DCDC2: variants seen among roughly 807,000 people sequenced by gnomAD.
The protein encoded by DCDC2 is doublecortin domain-containing protein 2.
A neutral mutation model predicts 50.2 loss-of-function variants in DCDC2; 40 were observed. The ratio of observed to expected loss-of-function variants is 0.80; its 90% CI spans 0.62 to 1.04. The LOEUF is 1.04. Among genes scored for constraint, DCDC2 ranks in the 50% least tolerant of loss-of-function variants. The pLI, the probability that DCDC2 is intolerant of heterozygous loss-of-function variation, is 0.00. For missense variants in DCDC2, 570 were observed against 581.9 expected, an observed-to-expected ratio of 0.98 and a Z score of 0.21; for synonymous variants, 234 against 210.6, an observed-to-expected ratio of 1.11 and a Z score of -0.96.
intron 2 of DCDC2, among the ~76,000 whole-genome samples, chr6:24,351,511 T>C (rs1371985013): frequency 6.6e-6 from 1 of 152,078 alleles, no homozygotes; most frequent in Non-Finnish European, 1.5e-5. Context: ...CCATCTCCTT[T>C]AGAAGGGTTT....
At chr6:24,280,079 A>C (rs1763438795) in intron 6 of DCDC2, among the ~76,000 whole-genome samples, 2 of 152,246 alleles carry the variant, frequency 1.3e-5, no homozygotes. Context: ...ATCTGCCTAG[A>C]AAACTATTAT....
At chr6:24,251,261 T>C (rs1183104325) in intron 7 of DCDC2, among the ~76,000 whole-genome samples, 2 of 152,188 alleles carry the variant, frequency 1.3e-5, no homozygotes, top group Non-Finnish European at 2.9e-5. Flanking sequence ...GGAGGATACA[T>C]GAAGAATAGC....
At chr6:24,340,554 T>C (rs935824411) in intron 2 of DCDC2, among the ~76,000 whole-genome samples, 1 of 152,144 alleles carries the variant, frequency 6.6e-6, no homozygotes, top group Non-Finnish European at 1.5e-5. Flanking sequence ...TAATCCAGCT[T>C]TTAAAAACTA....
chr6:24,308,980 A>G, intron 2 of DCDC2, among the ~76,000 whole-genome samples: 1 of 152,200 alleles, frequency 6.6e-6, no homozygotes, highest in South Asian at 2.1e-4. Flanking sequence ...AATACAAGAT[A>G]CAAACCTGGA....
chr6:24,206,417 G>A (rs906973069), intron 7 of DCDC2, among the ~76,000 whole-genome samples: 35 of 152,116 alleles, frequency 2.3e-4, no homozygotes, highest in African/African-American at 6.8e-4. Flanking sequence ...AAAGAGTGAA[G>A]AAAAATAGGT....
At chr6:24,193,767 C>T (rs1238071188) in intron 8 of DCDC2, among the ~76,000 whole-genome samples, 2 of 151,714 alleles carry the variant, frequency 1.3e-5, no homozygotes, top group African/African-American at 4.8e-5. Context: ...TGTATGTGGC[C>T]CTATTTTTGA....
chr6:24,268,100 T>C (rs190459850), intron 7 of DCDC2, among the ~76,000 whole-genome samples: 1 of 152,340 alleles, frequency 6.6e-6, no homozygotes, highest in Admixed American at 6.5e-5. Flanking sequence ...TGAGAAATCC[T>C]GTAGCAGAGA....
intron 8 of DCDC2, among the ~76,000 whole-genome samples, chr6:24,186,770 C>A (rs1259320644): frequency 1.2e-4 from 18 of 152,188 alleles, no homozygotes; most frequent in Admixed American, 1.2e-3. Flanking sequence ...TAGAGACAAA[C>A]CCCATCTTCT....
At position 24,318,720 on chromosome 6, in the gene DCDC2, G is replaced by A. The variant is rs564893184; in HGVS notation, c.349-16676C>T. Among the ~76,000 whole-genome samples the A allele has an allele frequency of 8.6e-5, 13 of 151,696 alleles. No individual in the cohort carries two copies. In the East Asian group the frequency reaches 1.4e-3, roughly 16 times the overall value. ...TGGCTTCCAGTTCCATCCATGTTGC[G>A]GCAAAAGACATAATTTCATTCTTTT... On this transcript the variant is annotated intron_variant, in intron 2 of 9. Transcript: ENST00000378454.
rs1760837077 is a variant in DCDC2 at position 24,173,739 on chromosome 6, G to A, written c.*991C>T. On this transcript the variant is annotated 3_prime_UTR_variant, in exon 10 of 10. Coordinates refer to ENST00000378454, the MANE Select transcript of DCDC2 (RefSeq NM_016356.5). ...AAATAAATATTTGCTGATATCCCTAGGGCAAAAACATAGTAAAACAGTCTT... is the reference window on the plus strand; with the variant it reads ...AAATAAATATTTGCTGATATCCCTAAGGCAAAAACATAGTAAAACAGTCTT... 6.6e-6 allele frequency: 1 copy of A among 151,928 alleles called. No homozygotes were observed. Among genetic ancestry groups the A allele is most frequent in the Non-Finnish European group, 1.5e-5 (1 of 67,988 alleles). 9.4% of individuals were successfully genotyped at this position (151,928 alleles called of 1,614,324 possible).
chr6:24,296,635 A>G (rs1458299244), intron 4 of DCDC2, among the ~76,000 whole-genome samples: 1 of 152,196 alleles, frequency 6.6e-6, no homozygotes, highest in Non-Finnish European at 1.5e-5. Context: ...AAACAACCCC[A>G]TTAAAAAGTG....
At chr6:24,269,233 G>A (rs1198327649) in intron 7 of DCDC2, among the ~76,000 whole-genome samples, 1 of 152,186 alleles carries the variant, frequency 6.6e-6, no homozygotes, top group East Asian at 1.9e-4. Flanking sequence ...CCAGACATTG[G>A]ACTAAATACA....
rs6907583 is a variant in DCDC2, at chr6:24,175,091, A to G, written c.1327-257T>C. ...GGCCCTGACTCATTTTGTATGCTGC[A>G]GGCTTTATTTTTCTCATTTTTTCTT... On this transcript the variant is annotated intron_variant, in intron 9 of 9. Transcript: ENST00000378454. Among the ~76,000 whole-genome samples the G allele has an allele frequency of 0.024, 3,489 of 143,032 alleles. 138 individuals carry two copies. Among genetic ancestry groups the G allele is most frequent in the African/African-American group, 0.099 (3,247 of 32,814 alleles). The allele number at this position is 143,032 out of a possible 152,430, so 93.8% of individuals were successfully genotyped here.
intron 7 of DCDC2, among the ~76,000 whole-genome samples, chr6:24,222,452 G>T (rs1157478535): frequency 6.6e-6 from 1 of 152,178 alleles, no homozygotes; most frequent in African/African-American, 2.4e-5. Context: ...GGGTTTAGCT[G>T]TTGGAATCCT....
intron 1 of DCDC2, chr6:24,356,843 C>G (rs1212674956): frequency 6.6e-6 from 1 of 152,212 alleles, no homozygotes; most frequent in Non-Finnish European, 1.5e-5. Flanking sequence ...CCTTGAAGGT[C>G]TAATCACGTT....
chr6:24,235,954 T>C (rs189819668), intron 7 of DCDC2, among the ~76,000 whole-genome samples: 3 of 152,282 alleles, frequency 2.0e-5, no homozygotes, highest in Non-Finnish European at 4.4e-5. Flanking sequence ...AAATCATAGA[T>C]GACACAAATG....
chr6:24,337,623 A>G (rs372089797), intron 2 of DCDC2, among the ~76,000 whole-genome samples: 24 of 152,066 alleles, frequency 1.6e-4, no homozygotes, highest in African/African-American at 5.1e-4. Flanking sequence ...GTGAAACCCC[A>G]TCTCTACCAA....
intron 7 of DCDC2, among the ~76,000 whole-genome samples, chr6:24,220,887 A>T (rs79429617): frequency 8.7e-6 from 1 of 114,848 alleles, no homozygotes; most frequent in Non-Finnish European, 1.8e-5. Context: ...CGAGAGCGAG[A>T]GAGTGAGCGA....
intron 7 of DCDC2, among the ~76,000 whole-genome samples, chr6:24,273,444 A>C (rs969922226): frequency 3.3e-4 from 50 of 152,344 alleles, no homozygotes; most frequent in Non-Finnish European, 1.5e-4. Flanking sequence ...TTAAGAAAAA[A>C]AGAAAACCTG....
Sources: allele counts gnomAD v4.1 joint callset (sites outside exome capture counted in the v4.1 genomes callset), GRCh38; gene constraint gnomAD v4.1.1; transcripts MANE v1.5; gene names NCBI Gene and HGNC (gene_info 2026-07-23, HGNC 2026-07-21).